RELN: variants seen among roughly 807,000 people sequenced by gnomAD.
RELN encodes the protein reelin.
RELN carries 108 observed loss-of-function variants against 427.6 expected under a neutral mutation model. That is an observed-to-expected ratio of 0.25 (90% CI 0.22 to 0.30). The LOEUF is 0.30. Among genes scored for constraint, RELN ranks in the 10% least tolerant of loss-of-function variants. The pLI, the probability that RELN is intolerant of heterozygous loss-of-function variation, is 1.00. For missense variants in RELN, 3,715 were observed against 4,302.8 expected, an observed-to-expected ratio of 0.86 and a Z score of 3.82; for synonymous variants, 1,524 against 1,513.4, an observed-to-expected ratio of 1.01 and a Z score of -0.16.
chr7:103,712,735 G>C (rs541915022), intron 8 of RELN, among the ~76,000 whole-genome samples: 1 of 152,308 alleles, frequency 6.6e-6, no homozygotes, highest in African/African-American at 2.4e-5. Context: ...ACTGGCTTGT[G>C]ATATCTCCAT....
At chr7:103,926,049 T>C (rs1795725269) in intron 1 of RELN, among the ~76,000 whole-genome samples, 1 of 150,992 alleles carries the variant, frequency 6.6e-6, no homozygotes, top group Non-Finnish European at 1.5e-5. Flanking sequence ...AAGTAACTCC[T>C]AATAGTGCCC....
intron 4 of RELN, among the ~76,000 whole-genome samples, chr7:103,776,014 T>C (rs774765329): frequency 1.4e-4 from 21 of 152,212 alleles, no homozygotes; most frequent in Non-Finnish European, 2.6e-4. Context: ...ACTTTTTCAT[T>C]GTGCTGTGTT....
intron 1 of RELN, among the ~76,000 whole-genome samples, chr7:103,922,143 T>C (rs1795629418): frequency 6.6e-6 from 1 of 151,994 alleles, no homozygotes; most frequent in Non-Finnish European, 1.5e-5. Flanking sequence ...AAATCTAACT[T>C]CTACAGAAAA....
At chr7:103,539,540 G>A (rs1830130381) in intron 44 of RELN, 1 of 585,092 alleles carries the variant, frequency 1.7e-6, no homozygotes, top group Non-Finnish European at 3.0e-6. Context: ...CAAATCAAAG[G>A]ATTGACAAAA....
At chr7:103,679,558 T>C (rs1388777431) in intron 11 of RELN, among the ~76,000 whole-genome samples, 1 of 152,202 alleles carries the variant, frequency 6.6e-6, no homozygotes, top group African/African-American at 2.4e-5. Context: ...TCTTCAGTCC[T>C]GAGAAATGTC....
At position 103,968,361 on chromosome 7, in the gene RELN, T is replaced by C. The variant is rs1023627725; in HGVS notation, c.226+20770A>G. 6.6e-6 allele frequency among the ~76,000 whole-genome samples: 1 copy of C among 152,142 alleles called. No homozygotes were observed. Among genetic ancestry groups the C allele is most frequent in the African/African-American group, 2.4e-5 (1 of 41,436 alleles). ...AGTAAGAGAACTAAAGAAGAGTATA[T>C]TAGATTATCTCAGAGATGCTGCCTG... On this transcript the variant is annotated intron_variant, in intron 1 of 64. Coordinates refer to ENST00000428762, the MANE Select transcript of RELN (RefSeq NM_005045.4). This position sits in a 1 kb window ranked among gnomAD's most constrained non-coding sequence, Gnocchi z 4.3.
intron 19 of RELN, among the ~76,000 whole-genome samples, chr7:103,634,768 G>A (rs1832541172): frequency 6.6e-6 from 1 of 151,678 alleles, no homozygotes; most frequent in African/African-American, 2.4e-5. Context: ...TATATCACTA[G>A]TATTTATCAA....
intron 20 of RELN, among the ~76,000 whole-genome samples, chr7:103,629,613 T>G (rs1192473298): frequency 1.4e-5 from 2 of 147,728 alleles, no homozygotes; most frequent in East Asian, 3.9e-4. Flanking sequence ...CTTTAATAAC[T>G]AACACTTTTT....
intron 47 of RELN, 23 bp from the exon 48 acceptor site, chr7:103,522,222 G>C: frequency 6.2e-7 from 1 of 1,612,452 alleles, no homozygotes; most frequent in Non-Finnish European, 8.5e-7. Context: ...CAAGAGAGAG[G>C]AAAAGTCAAC....
At chr7:103,610,116 G>C (rs541233159) in intron 22 of RELN, among the ~76,000 whole-genome samples, 5 of 152,230 alleles carry the variant, frequency 3.3e-5, no homozygotes, top group African/African-American at 1.2e-4. Context: ...ATCTTTTTGA[G>C]TGATCAATCT....
Position 103,642,170 on chromosome 7 carries a change from C to T in RELN, c.2003-1561G>A, listed in dbSNP as rs143555816. ...AAATGTACTTTGCTTTAGGACTTTCCATTTGGCTAAGATTTTCAGGGTGAT... is the reference window on the plus strand; with the variant it reads ...AAATGTACTTTGCTTTAGGACTTTCTATTTGGCTAAGATTTTCAGGGTGAT... On this transcript the variant is annotated intron_variant, in intron 16 of 64. Coordinates refer to ENST00000428762, the MANE Select transcript of RELN (RefSeq NM_005045.4). 7.7e-4 allele frequency among the ~76,000 whole-genome samples: 117 copies of T among 152,096 alleles called. 1 individual carries two copies. The highest frequency in any genetic ancestry group is 2.8e-3 in the African/African-American group (115 of 41,522).
chr7:103,614,791 A>G (rs773022085), intron 20 of RELN, among the ~76,000 whole-genome samples: 2 of 152,200 alleles, frequency 1.3e-5, no homozygotes, highest in African/African-American at 2.4e-5. Context: ...GTACCATATG[A>G]TATCTATCCT....
intron 25 of RELN, 130 bp downstream of exon 25, chr7:103,596,326 T>G: frequency 1.3e-6 from 1 of 766,424 alleles, no homozygotes; most frequent in Admixed American, 2.0e-5. Context: ...TATACTGGGC[T>G]ATCATTCATG....
At chr7:103,955,741 A>G (rs568797863) in intron 1 of RELN, among the ~76,000 whole-genome samples, 2 of 152,304 alleles carry the variant, frequency 1.3e-5, no homozygotes, top group Middle Eastern at 3.4e-3. Context: ...AACCCAGACA[A>G]GAAACTCCAT....
chr7:103,757,654 A>G (rs1186203295), intron 4 of RELN, among the ~76,000 whole-genome samples: 1 of 152,204 alleles, frequency 6.6e-6, no homozygotes, highest in Non-Finnish European at 1.5e-5. Context: ...GTGTAAAAAG[A>G]TATCGTAGTT....
chr7:103,769,358 C>T (rs182156918), intron 4 of RELN, among the ~76,000 whole-genome samples: 4 of 152,124 alleles, frequency 2.6e-5, no homozygotes, highest in South Asian at 2.1e-4. Flanking sequence ...CCTTCCACCA[C>T]GTGAGGATAC....
At chr7:103,881,844 G>A (rs1395909268) in intron 2 of RELN, among the ~76,000 whole-genome samples, 1 of 152,130 alleles carries the variant, frequency 6.6e-6, no homozygotes, top group Non-Finnish European at 1.5e-5. Flanking sequence ...GGTTTTGGGT[G>A]GTTTACTAGG....
intron 3 of RELN, among the ~76,000 whole-genome samples, chr7:103,792,358 T>C (rs1277282988): frequency 6.6e-6 from 1 of 152,192 alleles, no homozygotes; most frequent in Non-Finnish European, 1.5e-5. Context: ...AAATGTGGTA[T>C]ATATCCATAC....
chr7:103,793,646 G>A (rs1334987710), intron 3 of RELN, among the ~76,000 whole-genome samples: 2 of 152,316 alleles, frequency 1.3e-5, no homozygotes, highest in African/African-American at 2.4e-5. Flanking sequence ...AGAGGCTAGT[G>A]AAAAACAGAC....
Sources: allele counts gnomAD v4.1 joint callset (sites outside exome capture counted in the v4.1 genomes callset), GRCh38; gene constraint gnomAD v4.1.1; non-coding constraint Gnocchi (gnomAD v3.1); transcripts MANE v1.5; gene names NCBI Gene and HGNC (gene_info 2026-07-23, HGNC 2026-07-21).